The following SSH2 variants were observed in gnomAD, a reference collection of about 807,000 sequenced individuals.
The protein encoded by SSH2 is protein phosphatase Slingshot homolog 2.
A neutral mutation model predicts 135.2 loss-of-function variants in SSH2; 37 were observed. The ratio of observed to expected loss-of-function variants is 0.27; its 90% confidence interval spans 0.21 to 0.36. The LOEUF is 0.36. SSH2 is among the 10% of genes least tolerant of loss of function. The pLI is 1.00. For missense variants in SSH2, 1,408 were observed against 1,765.3 expected, an observed-to-expected ratio of 0.80 and a Z score of 3.63; for synonymous variants, 628 against 646.2, an observed-to-expected ratio of 0.97 and a Z score of 0.43.
rs529326828 is a variant in SSH2 at position 29,915,311 on chromosome 17, C to G, written c.63+14627G>C. Among the ~76,000 whole-genome samples, 58 of 152,284 alleles carry G rather than the reference C, an allele frequency of 3.8e-4. No homozygotes were observed. In the South Asian group the frequency reaches 0.012, roughly 32 times the overall value. Reference sequence around the variant, plus strand: ...AGCACATTCAGTTGCTTTGGAAATGCATCTAAGAGCAGCATTCAATTTCAA... The same window carrying G: ...AGCACATTCAGTTGCTTTGGAAATGGATCTAAGAGCAGCATTCAATTTCAA... On this transcript the variant is annotated intron_variant, in intron 1 of 15. Transcript: ENST00000540801.
intron 2 of SSH2, among the ~76,000 whole-genome samples, chr17:29,810,445 T>C (rs530996460): frequency 5.2e-4 from 79 of 152,376 alleles, no homozygotes; most frequent in Admixed American, 3.6e-3. Flanking sequence ...TTATAGCTTC[T>C]ATTTTTTAAC....
chr17:29,667,338 A>G, intron 9 of SSH2, 115 bp from the exon 10 acceptor site: 1 of 820,712 alleles, frequency 1.2e-6, no homozygotes, highest in Non-Finnish European at 1.9e-6. Context: ...ATCCTTTTCC[A>G]AAATCGGTTC....
chr17:29,859,814 G>T (rs531614761), intron 1 of SSH2, among the ~76,000 whole-genome samples: 1 of 152,184 alleles, frequency 6.6e-6, no homozygotes, highest in East Asian at 1.9e-4. Context: ...TATCCAGTAA[G>T]GGGATTGTTG....
intron 1 of SSH2, among the ~76,000 whole-genome samples, chr17:29,888,732 G>A (rs2151440853): frequency 6.7e-6 from 1 of 150,206 alleles, no homozygotes; most frequent in East Asian, 2.0e-4. Context: ...CCAGGAGTGT[G>A]AGACCAGCCT....
At chr17:29,852,317 C>T (rs1260891372) in intron 1 of SSH2, among the ~76,000 whole-genome samples, 1 of 151,686 alleles carries the variant, frequency 6.6e-6, no homozygotes, top group Non-Finnish European at 1.5e-5. Context: ...GTCCTGTAAC[C>T]ACACTTGCAT....
chr17:29,876,550 T>C (rs1437572359), intron 1 of SSH2, among the ~76,000 whole-genome samples: 1 of 152,032 alleles, frequency 6.6e-6, no homozygotes, highest in African/African-American at 2.4e-5. Context: ...CTTTTTACCT[T>C]GATGTGATCC....
chr17:29,750,618 G>C (rs927391678), intron 3 of SSH2, among the ~76,000 whole-genome samples: 2 of 151,304 alleles, frequency 1.3e-5, no homozygotes, highest in African/African-American at 4.8e-5. Flanking sequence ...AAACTCCTGG[G>C]TTCAAGTGAT....
chr17:29,763,084 G>T (rs1377940867), intron 3 of SSH2, among the ~76,000 whole-genome samples: 1 of 152,136 alleles, frequency 6.6e-6, no homozygotes, highest in East Asian at 1.9e-4. Context: ...TACTAGTAAT[G>T]AAATAATCAA....
intron 6 of SSH2, among the ~76,000 whole-genome samples, chr17:29,680,551 CAAAAAAAAAAAAAAA>C (rs1160865828): frequency 3.3e-4 from 7 of 21,520 alleles, no homozygotes; most frequent in Admixed American, 2.2e-3. Flanking sequence ...GACTCCCTCT[CAAAAAAAAAAAAAAA>C]AAAAAAAAAA....
intron 15 of SSH2, among the ~76,000 whole-genome samples, chr17:29,634,133 A>T (rs529261899): frequency 6.6e-6 from 1 of 152,358 alleles, no homozygotes; most frequent in South Asian, 2.1e-4. Context: ...CTGCCTTCTC[A>T]GTAGAAAGGA....
rs2035909992 is a variant in SSH2 at position 29,636,264 on chromosome 17, G to A, written c.1966C>T (p.Pro656Ser). 6.2e-7 allele frequency: 1 copy of A among 1,614,128 alleles called. No homozygotes were observed. Among genetic ancestry groups the A allele is most frequent in the African/African-American group, 1.3e-5 (1 of 75,040 alleles). The part of the protein sequence containing the change: ...PLKDPPMSPD[P>S]ESPSPQPSCQ... ...CTGGGTTGGGGGCTTGGTGACTCAG[G>A]ATCAGGGGACATGGGGGGGTCTTTC... The change falls in exon 15 of 16, where the codon CCT (proline) becomes TCT (serine). Residue 656 changes from proline to serine, a missense_variant. By Grantham distance (74) the Pro-to-Ser change is moderately conservative. This residue lies in a region of SSH2 where 1,080 missense variants were observed against 1,144.5 expected (regional missense o/e 0.94). Transcript: ENST00000540801.
intron 3 of SSH2, among the ~76,000 whole-genome samples, chr17:29,734,385 C>CAT (rs1180313964): frequency 6.6e-6 from 1 of 152,124 alleles, no homozygotes; most frequent in Non-Finnish European, 1.5e-5. Flanking sequence ...TCCAAAAATT[C>CAT]ATAACTATGC....
At chr17:29,763,226 A>C (rs1027006844) in intron 3 of SSH2, among the ~76,000 whole-genome samples, 1 of 152,194 alleles carries the variant, frequency 6.6e-6, no homozygotes, top group Non-Finnish European at 1.5e-5. Flanking sequence ...GAGTTATCTA[A>C]GTTTCTGAGA....
chr17:29,682,176 T>A (rs528645932), intron 6 of SSH2, among the ~76,000 whole-genome samples: 2 of 152,336 alleles, frequency 1.3e-5, no homozygotes, highest in South Asian at 4.1e-4. Context: ...TGATTAGACA[T>A]GTGCTTGCTC....
chr17:29,867,025 A>G (rs1279166357), intron 1 of SSH2, among the ~76,000 whole-genome samples: 2 of 150,450 alleles, frequency 1.3e-5, no homozygotes, highest in South Asian at 2.1e-4. Flanking sequence ...TTTTTTTGGT[A>G]GAAATGGGGT....
At chr17:29,681,473 A>G (rs946626883) in intron 6 of SSH2, among the ~76,000 whole-genome samples, 3 of 150,282 alleles carry the variant, frequency 2.0e-5, no homozygotes, top group Non-Finnish European at 4.4e-5. Flanking sequence ...ATAACTACTT[A>G]TTTTAGTAAA....
chr17:29,872,275 TA>T (rs1567622215), intron 1 of SSH2, among the ~76,000 whole-genome samples: 2 of 152,188 alleles, frequency 1.3e-5, no homozygotes, highest in Non-Finnish European at 1.5e-5. Flanking sequence ...TCAGTGGCCA[TA>T]ACAGCACAGT....
At chr17:29,915,984 C>T (rs962189587) in intron 1 of SSH2, among the ~76,000 whole-genome samples, 46 of 120,192 alleles carry the variant, frequency 3.8e-4, no homozygotes, top group African/African-American at 1.4e-3. Flanking sequence ...CCCCCCTCCC[C>T]CCACCCCACA....
At chr17:29,790,957 G>C (rs2042054591) in intron 3 of SSH2, among the ~76,000 whole-genome samples, 1 of 152,100 alleles carries the variant, frequency 6.6e-6, no homozygotes, top group Admixed American at 6.6e-5. Flanking sequence ...TCAAACTCCT[G>C]ACCTCAGGTG....
Sources: allele counts gnomAD v4.1 joint callset (sites outside exome capture counted in the v4.1 genomes callset), GRCh38; gene constraint gnomAD v4.1.1; regional missense constraint gnomAD v4.1.1; transcripts MANE v1.5; gene names NCBI Gene and HGNC (gene_info 2026-07-23, HGNC 2026-07-21).